The following GALNT9 variants were observed in gnomAD, a reference collection of about 807,000 sequenced individuals.
GALNT9 encodes the protein GalNAc transferase 9.
Under a neutral mutation model 63.1 loss-of-function variants are expected in GALNT9, and 47 were observed. The observed-to-expected ratio is 0.75, with a 90% CI of 0.59 to 0.95. The LOEUF is 0.95. GALNT9 is among the 40% of genes least tolerant of loss of function. The probability of loss-of-function intolerance (pLI) is 0.00; values close to 1 mark genes in which losing one functional copy is unlikely to be tolerated. For missense variants in GALNT9, 829 were observed against 874.8 expected (o/e 0.95, Z 0.66); for synonymous variants, 396 against 365.7 (o/e 1.08, Z -0.94).
At chr12:132,229,521 C>T (rs1267472493) in intron 6 of GALNT9, among the ~76,000 whole-genome samples, 3 of 152,256 alleles carry the variant, frequency 2.0e-5, no homozygotes, top group Non-Finnish European at 4.4e-5. Context: ...GACCACACCC[C>T]GCGGCAGGCC....
At chr12:132,285,259 C>T (rs1396288944) in intron 2 of GALNT9, among the ~76,000 whole-genome samples, 1 of 152,256 alleles carries the variant, frequency 6.6e-6, no homozygotes, top group Non-Finnish European at 1.5e-5. Flanking sequence ...CCTGAGCGCC[C>T]GGCTTCTGCA....
intron 1 of GALNT9, among the ~76,000 whole-genome samples, chr12:132,301,866 G>A (rs1881309104): frequency 6.6e-6 from 1 of 152,226 alleles, no homozygotes; most frequent in African/African-American, 2.4e-5. Flanking sequence ...TCCACATAAA[G>A]TTATGGCCAC....
In GALNT9 at chr12:132,310,551, G is replaced by A. The variant is rs1476251412; in HGVS notation, c.238+18415C>T. ...CTGAAGAGTCATTTCACACTTGGCC[G>A]CCTGCTTTCCCAGCACACGATACCT... On this transcript the variant is annotated intron_variant, in intron 1 of 10. Coordinates refer to ENST00000328957, the MANE Select transcript of GALNT9 (RefSeq NM_001122636.2). This position sits in a 1 kb window ranked among gnomAD's most constrained non-coding sequence, Gnocchi z 4.8. Among the ~76,000 whole-genome samples, 4 of 152,164 alleles carry A rather than the reference G, an allele frequency of 2.6e-5. No individual in the cohort carries two copies. Among genetic ancestry groups the A allele is most frequent in the Admixed American group, 6.5e-5 (1 of 15,272 alleles).
At position 132,196,690 on chromosome 12, in the gene GALNT9, G is replaced by A; in HGVS notation, c.*417C>T. On this transcript the variant is annotated 3_prime_UTR_variant, in exon 11 of 11. Coordinates refer to ENST00000328957, the MANE Select transcript of GALNT9 (RefSeq NM_001122636.2). ...GGCTGAGCGGCCGCAAGTGCTGGGG[G>A]AGGCTGCTTGGAGCATGGGAGGCCT... 2.0e-6 allele frequency: 2 copies of A among 1,003,418 alleles called. No individual in the cohort carries two copies. Among genetic ancestry groups the A allele is most frequent in the Middle Eastern group, 5.0e-4 (1 of 2,000 alleles). 62.2% of individuals were successfully genotyped at this position (1,003,418 alleles called of 1,614,324 possible). A position where few individuals can be genotyped will look rare whatever the true frequency, so the allele number is the denominator to read the frequency against.
chr12:132,289,663 G>C (rs1880734455), intron 1 of GALNT9, among the ~76,000 whole-genome samples: 1 of 152,264 alleles, frequency 6.6e-6, no homozygotes, highest in Non-Finnish European at 1.5e-5. Context: ...TGCGGAGGAA[G>C]TGAGGGTTGC....
At chr12:132,240,785 T>C (rs1001165995) in intron 6 of GALNT9, 74 of 451,708 alleles carry the variant, frequency 1.6e-4, no homozygotes, top group African/African-American at 1.2e-4. Flanking sequence ...GTATGATCTA[T>C]ACATGTTTAC....
chr12:132,213,529 TC>T (rs1877056347), intron 6 of GALNT9, among the ~76,000 whole-genome samples: 2 of 149,456 alleles, frequency 1.3e-5, no homozygotes, highest in African/African-American at 2.5e-5. Context: ...ACACACGCAC[TC>T]CCACCCACAT....
At position 132,245,441 on chromosome 12, in the gene GALNT9, T is replaced by TA. The variant is rs1209533787; in HGVS notation, c.1077+2468dup. Among the ~76,000 whole-genome samples the TA allele has an allele frequency of 1.7e-4, 26 of 151,512 alleles. No individual in the cohort carries two copies. Among genetic ancestry groups the TA allele is most frequent in the African/African-American group, 6.1e-4 (25 of 41,224 alleles). Reference sequence around the variant, plus strand: ...TGGGCAACAGAGTAAGACTCTGTCTTAAAAAAAAGAAAGGCCCATGTGTCA... The same window carrying TA: ...TGGGCAACAGAGTAAGACTCTGTCTTAAAAAAAAAGAAAGGCCCATGTGTCA... On this transcript the variant is annotated intron_variant, in intron 6 of 10. Transcript: ENST00000328957. The surrounding 1 kb of genome is among the most constrained non-coding windows in gnomAD (Gnocchi z 6.3).
chr12:132,203,729 A>T, intron 6 of GALNT9, 39 bp from the exon 7 acceptor site: 1 of 1,596,018 alleles, frequency 6.3e-7, no homozygotes, highest in Non-Finnish European at 8.5e-7. Context: ...GTCCTTCCCA[A>T]CGGAAGCGGG....
At chr12:132,222,923 ACAACC>A (rs1877514433) in intron 6 of GALNT9, among the ~76,000 whole-genome samples, 2 of 108,654 alleles carry the variant, frequency 1.8e-5, no homozygotes, top group African/African-American at 3.7e-5. Context: ...TACATCCCAC[ACAACC>A]CACACCCCAC....
chr12:132,285,523 C>T (rs970228011), intron 2 of GALNT9, among the ~76,000 whole-genome samples: 4 of 152,262 alleles, frequency 2.6e-5, no homozygotes, highest in Non-Finnish European at 5.9e-5. Context: ...CGGCCAGGGC[C>T]CGGCTCCTGA....
At chr12:132,204,178 T>TA (rs1876465483) in intron 6 of GALNT9, among the ~76,000 whole-genome samples, 1 of 151,854 alleles carries the variant, frequency 6.6e-6, no homozygotes, top group African/African-American at 2.4e-5. Flanking sequence ...CCCCAGCTAA[T>TA]AAAACCCCGC....
At chr12:132,240,425 C>T (rs1396571802) in intron 6 of GALNT9, 1 of 355,910 alleles carries the variant, frequency 2.8e-6, no homozygotes, top group African/African-American at 2.1e-5. Context: ...TCCACTTGTT[C>T]AGCGCAGACA....
At position 132,257,885 on chromosome 12, in the gene GALNT9, C is replaced by T; in HGVS notation, c.763G>A (p.Ala255Thr). 2 of 1,531,044 alleles carry T rather than the reference C, an allele frequency of 1.3e-6. No individual in the cohort carries two copies. Among genetic ancestry groups the T allele is most frequent in the Non-Finnish European group, 1.8e-6 (2 of 1,135,148 alleles). 94.8% of individuals were successfully genotyped at this position (1,531,044 alleles called of 1,614,324 possible). A position where few individuals can be genotyped will look rare whatever the true frequency, so the allele number is the denominator to read the frequency against. The change falls in exon 5 of 11, where the codon GCC (alanine) becomes ACC (threonine). Residue 255 changes from alanine to threonine, a missense_variant and splice_region_variant. Ala to Thr is a moderately conservative substitution (Grantham distance 58). Coordinates refer to ENST00000328957, the MANE Select transcript of GALNT9 (RefSeq NM_001122636.2). The part of the protein sequence containing the change: ...DAHVEFNTGW[A>T]EPALSRIRED... ...CGGATCCGCGACAGTGCGGGCTCGG[C>T]CCTGCGGAGGCACAGCTGTGAGGAG...
intron 6 of GALNT9, chr12:132,240,550 G>T (rs1477939363): frequency 2.2e-6 from 1 of 447,186 alleles, no homozygotes; most frequent in Admixed American, 2.4e-5. Context: ...GTGGCCCCAG[G>T]GCTCAGCTGT....
rs1478730294 is a variant in GALNT9 at position 132,249,165 on chromosome 12, G to T, written c.960-1138C>A. 3.9e-5 allele frequency among the ~76,000 whole-genome samples: 6 copies of T among 152,224 alleles called. No homozygotes were observed. The East Asian group carries it at 1.2e-3, about 29-fold the overall frequency. Reference sequence around the variant, plus strand: ...CTTCTCATCTTTGCTGAAAGATTTTGCCTCAAAACAATTTCCTTGTCCGTG... The same window carrying T: ...CTTCTCATCTTTGCTGAAAGATTTTTCCTCAAAACAATTTCCTTGTCCGTG... On this transcript the variant is annotated intron_variant, in intron 5 of 10. Coordinates refer to ENST00000328957, the MANE Select transcript of GALNT9 (RefSeq NM_001122636.2).
intron 1 of GALNT9, among the ~76,000 whole-genome samples, chr12:132,298,597 TC>T (rs1462639283): frequency 3.5e-4 from 51 of 144,838 alleles, no homozygotes; most frequent in Middle Eastern, 4.2e-3. Flanking sequence ...ACTAACCTGC[TC>T]CCACCACACC....
chr12:132,281,440 C>A (rs1314046365), intron 2 of GALNT9, among the ~76,000 whole-genome samples: 1 of 152,158 alleles, frequency 6.6e-6, no homozygotes, highest in Non-Finnish European at 1.5e-5. Context: ...GGTGTCAAAG[C>A]CTCCTCACTT....
chr12:132,206,646 C>CAA (rs34047036), intron 6 of GALNT9, among the ~76,000 whole-genome samples: 19,048 of 135,460 alleles, frequency 0.14, 1,443 homozygotes, highest in East Asian at 0.26. Context: ...GACTCCGTCT[C>CAA]AAAAAAAAAA....
Sources: gnomAD v4.1 joint callset for allele counts (sites outside exome capture counted in the v4.1 genomes callset) on GRCh38, gnomAD v4.1.1 for gene constraint, Gnocchi (gnomAD v3.1) non-coding constraint, MANE v1.5 for transcripts, NCBI Gene and HGNC (gene_info 2026-07-23, HGNC 2026-07-21) for gene names.